Variants in LRRC49 observed in about 807,000 individuals in gnomAD.
The protein encoded by LRRC49 is leucine rich repeat containing 49.
In LRRC49, 50 loss-of-function variants were observed where a neutral mutation model predicts 83.3. That is an observed-to-expected ratio of 0.60 (90% CI 0.48 to 0.76). The LOEUF is 0.76. Ranked by LOEUF, LRRC49 falls within the 30% of genes least tolerant of loss-of-function variation. The pLI is 0.00. For missense variants in LRRC49, 704 were observed against 809.1 expected, an observed-to-expected ratio of 0.87 and a Z score of 1.58; for synonymous variants, 286 against 283.3, an observed-to-expected ratio of 1.01 and a Z score of -0.10.
intron 2 of LRRC49, among the ~76,000 whole-genome samples, chr15:70,887,191 C>A (rs1567036038): frequency 6.6e-6 from 1 of 151,914 alleles, no homozygotes; most frequent in Non-Finnish European, 1.5e-5. Context: ...AATATTAATA[C>A]CAAATTTATT....
intron 11 of LRRC49, among the ~76,000 whole-genome samples, chr15:70,993,876 G>A (rs111860871): frequency 2.6e-5 from 4 of 152,052 alleles, no homozygotes; most frequent in Non-Finnish European, 2.9e-5. Context: ...ATGGAGTCTC[G>A]CTGTGTCTCC....
At chr15:71,011,305 T>C (rs562941513) in intron 13 of LRRC49, among the ~76,000 whole-genome samples, 3 of 152,198 alleles carry the variant, frequency 2.0e-5, no homozygotes, top group African/African-American at 7.2e-5. Context: ...TCTCCCTTAA[T>C]TGAGGTAACA....
upstream of LRRC49, chr15:70,892,336 G>A: frequency 6.5e-7 from 1 of 1,549,264 alleles, no homozygotes; most frequent in Non-Finnish European, 8.7e-7. Context: ...CACGCTCCTC[G>A]CAGCGGCCTC....
intron 14 of LRRC49, among the ~76,000 whole-genome samples, chr15:71,035,841 C>A (rs1196813054): frequency 6.6e-6 from 1 of 152,086 alleles, no homozygotes; most frequent in South Asian, 2.1e-4. Flanking sequence ...GACTTATATT[C>A]TTTTGGGTAT....
At chr15:71,029,406 C>T (rs2039279372) in intron 14 of LRRC49, among the ~76,000 whole-genome samples, 1 of 152,062 alleles carries the variant, frequency 6.6e-6, no homozygotes, top group Admixed American at 6.6e-5. Context: ...GGTTTCTCTT[C>T]TTTTGCATTT....
In LRRC49 at chr15:70,919,205, A is replaced by G; in HGVS notation, c.711+12A>G. On this transcript the variant is annotated intron_variant, in intron 7 of 15. Coordinates refer to ENST00000260382, the MANE Select transcript of LRRC49 (RefSeq NM_017691.5). ...AAATCACTTTCGTGGTGAGTATTAAAATGGAGTTGATATGTACTTTGTGGC... is the reference window on the plus strand; with the variant it reads ...AAATCACTTTCGTGGTGAGTATTAAGATGGAGTTGATATGTACTTTGTGGC... The G allele has an allele frequency of 6.2e-7, 1 of 1,604,718 alleles. No homozygotes were observed. Among genetic ancestry groups the G allele is most frequent in the Non-Finnish European group, 8.5e-7 (1 of 1,176,112 alleles).
At chr15:70,993,065 C>T (rs2037945787) in intron 11 of LRRC49, among the ~76,000 whole-genome samples, 1 of 152,214 alleles carries the variant, frequency 6.6e-6, no homozygotes, top group African/African-American at 2.4e-5. Flanking sequence ...TTTACCTACT[C>T]AAGCCTCAGC....
At chr15:70,926,513 T>C (rs2141142197) in intron 7 of LRRC49, among the ~76,000 whole-genome samples, 1 of 152,242 alleles carries the variant, frequency 6.6e-6, no homozygotes, top group Admixed American at 6.5e-5. Flanking sequence ...GTTTTTTTGT[T>C]TTTTATTTTT....
chr15:70,961,508 C>T (rs935947610), intron 8 of LRRC49, among the ~76,000 whole-genome samples: 1 of 152,102 alleles, frequency 6.6e-6, no homozygotes, highest in Non-Finnish European at 1.5e-5. Flanking sequence ...AAGATGTCCT[C>T]AGAAGGTGAA....
chr15:71,012,984 C>A, intron 14 of LRRC49, 71 bp downstream of exon 14: 1 of 926,424 alleles, frequency 1.1e-6, no homozygotes, highest in South Asian at 1.5e-5. Flanking sequence ...TTCCACATAC[C>A]TCCTAACTAT....
intron 11 of LRRC49, among the ~76,000 whole-genome samples, chr15:71,005,917 G>A (rs1396390372): frequency 6.6e-6 from 1 of 152,164 alleles, no homozygotes; most frequent in Non-Finnish European, 1.5e-5. Context: ...ACTTTTTAAT[G>A]GAGCTCAGAA....
intron 2 of LRRC49, chr15:70,894,737 C>A: frequency 1.8e-6 from 1 of 544,038 alleles, no homozygotes; most frequent in Non-Finnish European, 2.8e-6. Flanking sequence ...AGAGTTCACA[C>A]ATAACAGCAT....
intron 14 of LRRC49, among the ~76,000 whole-genome samples, chr15:71,015,357 A>G (rs2038791798): frequency 1.3e-5 from 2 of 152,212 alleles, no homozygotes; most frequent in Non-Finnish European, 2.9e-5. Flanking sequence ...GGGCTAGGGG[A>G]TGGTTTTGGA....
Position 70,870,576 on chromosome 15 carries a change from C to T in LRRC49, c.-298-2332C>T, listed in dbSNP as rs571903585. Among the ~76,000 whole-genome samples the T allele has an allele frequency of 5.9e-5, 9 of 152,222 alleles. No individual in the cohort carries two copies. In the South Asian group the frequency reaches 8.3e-4, roughly 14 times the overall value. On this transcript the variant is annotated intron_variant, in intron 1 of 16. Coordinates refer to the LRRC49 transcript ENST00000544974. ...CGTGATCTTGGCTCACCAAAACCTC[C>T]GCCTCCTGGGTTCAAGCGATTCTCC...
intron 8 of LRRC49, among the ~76,000 whole-genome samples, chr15:70,947,380 CA>C (rs1189331233): frequency 1.3e-5 from 2 of 151,624 alleles, no homozygotes; most frequent in East Asian, 3.9e-4. Flanking sequence ...TTTAAAACAC[CA>C]AAAAAGGCAT....
At chr15:70,878,024 T>G (rs1027066091) in intron 2 of LRRC49, among the ~76,000 whole-genome samples, 2 of 152,084 alleles carry the variant, frequency 1.3e-5, no homozygotes, top group Non-Finnish European at 2.9e-5. Flanking sequence ...TCCCAGCTAC[T>G]CAGGAGGCTG....
Position 70,985,141 on chromosome 15 carries a change from ACCCAGT to A in LRRC49, c.1169+885_1169+890del, listed in dbSNP as rs1470765322. Among the ~76,000 whole-genome samples the A allele has an allele frequency of 2.0e-5, 3 of 149,984 alleles. No individual in the cohort carries two copies. The Admixed American group carries it at 2.0e-4, about 10-fold the overall frequency. On this transcript the variant is annotated intron_variant, in intron 11 of 15. Coordinates refer to ENST00000260382, the MANE Select transcript of LRRC49 (RefSeq NM_017691.5). ...ATGATTTATAGTCCTTTGGGTGTAT[ACCCAGT>A]AATGGGATGGCTGGGTCAAATGGTA...
chr15:71,042,624 GTC>G (rs1442113552), intron 15 of LRRC49, among the ~76,000 whole-genome samples: 1 of 152,144 alleles, frequency 6.6e-6, no homozygotes, highest in South Asian at 2.1e-4. Context: ...AAAGTGCTCA[GTC>G]TCTCTTCCAT....
intron 11 of LRRC49, among the ~76,000 whole-genome samples, chr15:70,992,164 G>T (rs982856383): frequency 6.6e-6 from 1 of 152,138 alleles, no homozygotes; most frequent in Non-Finnish European, 1.5e-5. Context: ...GCTCCATCAG[G>T]TCATTTAAGG....
Sources: gnomAD v4.1 joint callset for allele counts (sites outside exome capture counted in the v4.1 genomes callset) on GRCh38, gnomAD v4.1.1 for gene constraint, MANE v1.5 for transcripts, NCBI Gene and HGNC (gene_info 2026-07-23, HGNC 2026-07-21) for gene names.